MAP3K2: variants seen among roughly 807,000 people sequenced by gnomAD.
MAP3K2 encodes the protein MAP/ERK kinase kinase 2.
A neutral mutation model predicts 80.3 loss-of-function variants in MAP3K2; 24 were observed. The observed-to-expected ratio is 0.30, with a 90% CI of 0.22 to 0.42. The LOEUF is 0.42. MAP3K2 is among the 10% of genes least tolerant of loss of function. MAP3K2 has a pLI of 1.00. For missense variants in MAP3K2, 608 were observed against 750.1 expected (o/e 0.81, Z 2.21); for synonymous variants, 244 against 253.7 (o/e 0.96, Z 0.36).
Position 127,386,055 on chromosome 2 carries a change from T to C in MAP3K2, c.-66+1397A>G, listed in dbSNP as rs1687341107. 2.0e-5 allele frequency among the ~76,000 whole-genome samples: 3 copies of C among 152,368 alleles called. 1 individual carries two copies. The South Asian group carries it at 6.2e-4, about 32-fold the overall frequency. On this transcript the variant is annotated intron_variant, in intron 1 of 16. Coordinates refer to ENST00000682094, the MANE Select transcript of MAP3K2 (RefSeq NM_001371910.2). Reference sequence around the variant, plus strand: ...TCTGTAAACCATCCACATGTTAACTTTGTAATTTCACCTTTTCTCCACAGA... The same window carrying C: ...TCTGTAAACCATCCACATGTTAACTCTGTAATTTCACCTTTTCTCCACAGA...
At position 127,300,430 on chromosome 2, in the gene MAP3K2, G is replaced by A. The variant is rs915432586; in HGVS notation, c.*7149C>T. 2 of 151,928 alleles carry A rather than the reference G, an allele frequency of 1.3e-5. No homozygotes were observed. The highest frequency in any genetic ancestry group is 2.9e-5 in the Non-Finnish European group (2 of 67,968). 9.4% of individuals were successfully genotyped at this position (151,928 alleles called of 1,614,324 possible). On this transcript the variant is annotated 3_prime_UTR_variant, in exon 17 of 17. Transcript: ENST00000682094. ...GAATTTAATGGCTACATTTAAAAATGTACATTATTATGTCAAAGGGTAAAT... is the reference window on the plus strand; with the variant it reads ...GAATTTAATGGCTACATTTAAAAATATACATTATTATGTCAAAGGGTAAAT...
rs1024800269 is a variant in MAP3K2 at position 127,387,591 on chromosome 2, C to G, written c.-205G>C. 1.3e-5 allele frequency: 13 copies of G among 984,854 alleles called. No individual in the cohort carries two copies. In the African/African-American group the frequency reaches 1.9e-4, roughly 15 times the overall value. The allele number at this position is 984,854 out of a possible 1,614,324, so 61.0% of individuals were successfully genotyped here. Reference sequence around the variant, plus strand: ...GCAGGGCCCCCGGGGACCGGAGGGGCGCGCGAGGAGTCGGGCGCGGGCCTT... The same window carrying G: ...GCAGGGCCCCCGGGGACCGGAGGGGGGCGCGAGGAGTCGGGCGCGGGCCTT... On this transcript the variant is annotated 5_prime_UTR_variant, in exon 1 of 17. Transcript: ENST00000682094.
At chr2:127,388,077 G>C (rs1687411671), upstream of MAP3K2, 1 of 984,048 alleles carries the variant, frequency 1.0e-6, no homozygotes, top group Non-Finnish European at 1.2e-6. Context: ...CCGGCCCAGG[G>C]GAGTGGGTCG....
intron 1 of MAP3K2, among the ~76,000 whole-genome samples, chr2:127,348,926 A>ATTTGGTTT (rs1686643653): frequency 6.6e-6 from 1 of 152,086 alleles, no homozygotes; most frequent in Non-Finnish European, 1.5e-5. Flanking sequence ...AAAAGCCCTA[A>ATTTGGTTT]TCCAAATTTT....
intron 1 of MAP3K2, among the ~76,000 whole-genome samples, chr2:127,348,451 C>T (rs56226037): frequency 0.034 from 5,155 of 152,172 alleles, 127 homozygotes; most frequent in Middle Eastern, 0.071. Context: ...CCTATACATG[C>T]TCCAACATGG....
At position 127,339,197 on chromosome 2, in the gene MAP3K2, T is replaced by C; in HGVS notation, c.5-147A>G. On this transcript the variant is annotated intron_variant, in intron 2 of 16. Transcript: ENST00000682094. The surrounding 1 kb of genome is among the most constrained non-coding windows in gnomAD (Gnocchi z 4.2). ...ATGCATCTAGAACATTTTTAATGCC[T>C]ACACTTTTGGTAAAATAAAATTGCA... 1.7e-6 allele frequency: 1 copy of C among 587,560 alleles called. No homozygotes were observed. Among genetic ancestry groups the C allele is most frequent in the Admixed American group, 3.2e-5 (1 of 30,990 alleles). 36.4% of individuals were successfully genotyped at this position (587,560 alleles called of 1,614,324 possible).
chr2:127,377,328 AT>A (rs573217565), intron 1 of MAP3K2, among the ~76,000 whole-genome samples: 47 of 152,218 alleles, frequency 3.1e-4, no homozygotes, highest in African/African-American at 9.6e-4. Flanking sequence ...TTATAAAAAA[AT>A]GTGGGCAATT....
rs1001668365 is a variant in MAP3K2, at chr2:127,343,214, C to T, written c.-65-20G>A. 8.6e-6 allele frequency: 8 copies of T among 934,944 alleles called. No homozygotes were observed. The highest frequency in any genetic ancestry group is 2.7e-5 in the Admixed American group (1 of 36,664). 57.9% of individuals were successfully genotyped at this position (934,944 alleles called of 1,614,324 possible). ...TATGGCCTGAGAAGATAAAACAGAT[C>T]AGCATATTAATAAAAAGAAACAGAA... On this transcript the variant is annotated intron_variant, in intron 1 of 16. Coordinates refer to ENST00000682094, the MANE Select transcript of MAP3K2 (RefSeq NM_001371910.2).
In MAP3K2 at chr2:127,304,158, T is replaced by G. The variant is rs558163249; in HGVS notation, c.*3421A>C. On this transcript the variant is annotated 3_prime_UTR_variant, in exon 17 of 17. Coordinates refer to ENST00000682094, the MANE Select transcript of MAP3K2 (RefSeq NM_001371910.2). ...ATTCCTTATATATGTTATGTAAGGGTAACTGTGCCTTTTAAAACTTTCTAA... is the reference window on the plus strand; with the variant it reads ...ATTCCTTATATATGTTATGTAAGGGGAACTGTGCCTTTTAAAACTTTCTAA... 1 of 152,270 alleles carries G rather than the reference T, an allele frequency of 6.6e-6. No individual in the cohort carries two copies. The highest frequency in any genetic ancestry group is 1.9e-4 in the East Asian group (1 of 5,186). 9.4% of individuals were successfully genotyped at this position (152,270 alleles called of 1,614,324 possible).
rs1025551602 is a variant in MAP3K2, at chr2:127,321,732, A to T, written c.1045+314T>A. ...TTCTCCATGTATCATCTATCCCATT[A>T]GATTATGTCTTGGAGATTATGTTTG... is the stretch of plus-strand genomic sequence containing the variant. On this transcript the variant is annotated intron_variant, in intron 12 of 16. Coordinates refer to ENST00000682094, the MANE Select transcript of MAP3K2 (RefSeq NM_001371910.2). This position sits in a 1 kb window ranked among gnomAD's most constrained non-coding sequence, Gnocchi z 4.4. 1.3e-5 allele frequency among the ~76,000 whole-genome samples: 2 copies of T among 152,214 alleles called. No individual in the cohort carries two copies. Among genetic ancestry groups the T allele is most frequent in the Admixed American group, 6.5e-5 (1 of 15,280 alleles).
rs1375250653 is a variant in MAP3K2, at chr2:127,387,860, G to C, written c.-474C>G. 2.6e-5 allele frequency: 26 copies of C among 984,778 alleles called. No homozygotes were observed. The highest frequency in any genetic ancestry group is 2.9e-5 in the Non-Finnish European group (24 of 829,698). 61.0% of individuals were successfully genotyped at this position (984,778 alleles called of 1,614,324 possible). A position where few individuals can be genotyped will look rare whatever the true frequency, so the allele number is the denominator to read the frequency against. ...GCCGAGCGTCCTGGTCGTTGTTTTC[G>C]TCGCCGCCGCGGGCCGTGCAACCCC... On this transcript the variant is annotated 5_prime_UTR_variant, in exon 1 of 17. Coordinates refer to ENST00000682094, the MANE Select transcript of MAP3K2 (RefSeq NM_001371910.2).
intron 1 of MAP3K2, among the ~76,000 whole-genome samples, chr2:127,349,325 T>TTTTTTG (rs959046409): frequency 1.3e-5 from 2 of 151,912 alleles, no homozygotes; most frequent in Non-Finnish European, 2.9e-5. Context: ...GCCTGGCTAG[T>TTTTTTG]TTTTTGTTTT....
At position 127,305,130 on chromosome 2, in the gene MAP3K2, C is replaced by G. The variant is rs1225663716; in HGVS notation, c.*2449G>C. 1 of 152,394 alleles carries G rather than the reference C, an allele frequency of 6.6e-6. No homozygotes were observed. Among genetic ancestry groups the G allele is most frequent in the Non-Finnish European group, 1.5e-5 (1 of 67,962 alleles). 9.4% of individuals were successfully genotyped at this position (152,394 alleles called of 1,614,324 possible). On this transcript the variant is annotated 3_prime_UTR_variant, in exon 17 of 17. Transcript: ENST00000682094. ...TTCTACAGTCTCACCAGATTTCTCTCTAAAGAGCATTTGTCTCATATTGTG... is the reference window on the plus strand; with the variant it reads ...TTCTACAGTCTCACCAGATTTCTCTGTAAAGAGCATTTGTCTCATATTGTG...
chr2:127,305,485 T>C lies in MAP3K2; in HGVS notation c.*2094A>G, dbSNP rs1216585981. On this transcript the variant is annotated 3_prime_UTR_variant, in exon 17 of 17. Coordinates refer to ENST00000682094, the MANE Select transcript of MAP3K2 (RefSeq NM_001371910.2). ...AGACTAGCTAGTGGAATTTCAAATA[T>C]TCCTACAGGGAATGCTAGGTAGGAC... The C allele has an allele frequency of 6.6e-6, 1 of 152,140 alleles. No individual in the cohort carries two copies. The highest frequency in any genetic ancestry group is 2.4e-5 in the African/African-American group (1 of 41,444). The allele number at this position is 152,140 out of a possible 1,614,324, so 9.4% of individuals were successfully genotyped here.
In MAP3K2 at chr2:127,339,194, G is replaced by T; in HGVS notation, c.5-144C>A. 1 of 588,438 alleles carries T rather than the reference G, an allele frequency of 1.7e-6. No homozygotes were observed. Among genetic ancestry groups the T allele is most frequent in the Non-Finnish European group, 3.0e-6 (1 of 329,310 alleles). The allele number at this position is 588,438 out of a possible 1,614,324, so 36.5% of individuals were successfully genotyped here. A position where few individuals can be genotyped will look rare whatever the true frequency, so the allele number is the denominator to read the frequency against. On this transcript the variant is annotated intron_variant, in intron 2 of 16. Coordinates refer to ENST00000682094, the MANE Select transcript of MAP3K2 (RefSeq NM_001371910.2). The surrounding 1 kb of genome is among the most constrained non-coding windows in gnomAD (Gnocchi z 4.2). ...AAAATGCATCTAGAACATTTTTAAT[G>T]CCTACACTTTTGGTAAAATAAAATT...
rs182244377 is a variant in MAP3K2, at chr2:127,371,641, A to G, written c.-66+15811T>C. ...TCAGGGAACTTACACAAGCATGTCAACTGGTGGGGACTGAAACACACAAAG... is the reference window on the plus strand; with the variant it reads ...TCAGGGAACTTACACAAGCATGTCAGCTGGTGGGGACTGAAACACACAAAG... On this transcript the variant is annotated intron_variant, in intron 1 of 16. Transcript: ENST00000682094. 4.6e-5 allele frequency among the ~76,000 whole-genome samples: 7 copies of G among 152,322 alleles called. No individual in the cohort carries two copies. The East Asian group carries it at 1.4e-3, about 29-fold the overall frequency.
intron 1 of MAP3K2, among the ~76,000 whole-genome samples, chr2:127,358,788 C>T (rs184778475): frequency 5.3e-5 from 8 of 152,044 alleles, no homozygotes; most frequent in African/African-American, 1.7e-4. Flanking sequence ...AAAAATTAGC[C>T]GGGCACGGTG....
intron 1 of MAP3K2, among the ~76,000 whole-genome samples, chr2:127,362,449 T>TCTCA (rs1240478903): frequency 3.3e-5 from 5 of 152,246 alleles, no homozygotes; most frequent in Admixed American, 1.3e-4. Context: ...CCCACTTAGT[T>TCTCA]CTCAATACTG....
At chr2:127,309,429 AC>A (rs1685769957) in intron 15 of MAP3K2, among the ~76,000 whole-genome samples, 1 of 151,942 alleles carries the variant, frequency 6.6e-6, no homozygotes, top group Admixed American at 6.6e-5. Context: ...GTTCCCATAT[AC>A]CCCCACACCC....
Sources: allele counts gnomAD v4.1 joint callset (sites outside exome capture counted in the v4.1 genomes callset), GRCh38; gene constraint gnomAD v4.1.1; non-coding constraint Gnocchi (gnomAD v3.1); transcripts MANE v1.5; gene names NCBI Gene and HGNC (gene_info 2026-07-23, HGNC 2026-07-21).